Variants in DPP10 observed in about 807,000 individuals in gnomAD.
The protein encoded by DPP10 is inactive dipeptidyl peptidase 10.
A neutral mutation model predicts 120.9 loss-of-function variants in DPP10; 33 were observed. The ratio of observed to expected loss-of-function variants is 0.27; its 90% CI spans 0.21 to 0.37. The LOEUF (loss-of-function observed/expected upper bound fraction) is 0.37. Ranked by LOEUF, DPP10 falls within the 10% of genes least tolerant of loss-of-function variation. DPP10 has a pLI of 1.00. For synonymous variants in DPP10, 337 were observed against 326.1 expected (o/e 1.03, Z -0.36); for missense variants, 816 against 942.8 (o/e 0.87, Z 1.76).
At chr2:115,149,120 T>A (rs766014314) in intron 1 of DPP10, among the ~76,000 whole-genome samples, 12 of 152,304 alleles carry the variant, frequency 7.9e-5, no homozygotes, top group Middle Eastern at 3.4e-3. Context: ...CATGTTCTTC[T>A]CTTCTCTGCA....
chr2:115,505,469 C>A (rs2076892541), intron 4 of DPP10, among the ~76,000 whole-genome samples: 1 of 152,014 alleles, frequency 6.6e-6, no homozygotes, highest in African/African-American at 2.4e-5. Flanking sequence ...CTGGAGGTGT[C>A]AGACAGGATG....
At chr2:114,497,371 GTACATA>G (rs1218364304) in intron 1 of DPP10, among the ~76,000 whole-genome samples, 5 of 108,514 alleles carry the variant, frequency 4.6e-5, no homozygotes, top group East Asian at 3.5e-4. Context: ...ACATACACAT[GTACATA>G]TACATATACA....
intron 3 of DPP10, among the ~76,000 whole-genome samples, chr2:115,352,487 A>G (rs148742027): frequency 6.6e-6 from 1 of 152,304 alleles, no homozygotes; most frequent in Admixed American, 6.5e-5. Flanking sequence ...CTGTTTGTCA[A>G]TACAAATATA....
chr2:115,188,106 A>T (rs2054597309), intron 1 of DPP10, among the ~76,000 whole-genome samples: 1 of 151,736 alleles, frequency 6.6e-6, no homozygotes, highest in Non-Finnish European at 1.5e-5. Flanking sequence ...AGAGAAGAGA[A>T]ATCTCAGGAG....
intron 1 of DPP10, among the ~76,000 whole-genome samples, chr2:115,203,165 A>T (rs1393464669): frequency 6.6e-6 from 1 of 152,198 alleles, no homozygotes; most frequent in Non-Finnish European, 1.5e-5. Context: ...CAACTGAAAA[A>T]TGACAAGAAT....
chr2:115,144,317 A>G (rs2051098275), intron 1 of DPP10: 1 of 152,104 alleles, frequency 6.6e-6, no homozygotes, highest in African/African-American at 2.4e-5. Flanking sequence ...GGGGAAATGT[A>G]TCTTGTTCTT....
At chr2:115,788,899 G>T (rs984778649) in intron 17 of DPP10, among the ~76,000 whole-genome samples, 1 of 151,956 alleles carries the variant, frequency 6.6e-6, no homozygotes, top group Non-Finnish European at 1.5e-5. Flanking sequence ...GGTGGAGATC[G>T]TGAGGTCAGG....
At chr2:115,099,723 T>A (rs2104611384) in intron 1 of DPP10, among the ~76,000 whole-genome samples, 1 of 152,286 alleles carries the variant, frequency 6.6e-6, no homozygotes, top group East Asian at 1.9e-4. Context: ...GTAGAGTGCA[T>A]GCTGTCTCCT....
chr2:115,834,620 G>A (rs896442725), intron 21 of DPP10, among the ~76,000 whole-genome samples: 1 of 152,006 alleles, frequency 6.6e-6, no homozygotes, highest in African/African-American at 2.4e-5. Flanking sequence ...CATTTCAAGA[G>A]GGTATTCAAA....
At chr2:114,538,239 G>A (rs4848368) in intron 1 of DPP10, among the ~76,000 whole-genome samples, 64,959 of 152,074 alleles carry the variant, frequency 0.43, 14,225 homozygotes, top group East Asian at 0.69. Context: ...TCCAAGGGAT[G>A]TGTTTGCTCT....
At chr2:115,658,206 A>T (rs535243420) in intron 5 of DPP10, among the ~76,000 whole-genome samples, 1 of 152,128 alleles carries the variant, frequency 6.6e-6, no homozygotes, top group South Asian at 2.1e-4. Flanking sequence ...AATCTGAAAA[A>T]GAGAACTGCA....
intron 1 of DPP10, among the ~76,000 whole-genome samples, chr2:114,825,537 T>C (rs1686448968): frequency 6.6e-6 from 1 of 152,150 alleles, no homozygotes; most frequent in African/African-American, 2.4e-5. Context: ...AAAGAAGCTA[T>C]CTCTCTTGCT....
chr2:115,334,230 G>GTTTTTTTTTTTTTTTGTT (rs1553554648), intron 2 of DPP10, among the ~76,000 whole-genome samples: 1 of 56,412 alleles, frequency 1.8e-5, no homozygotes, highest in Non-Finnish European at 4.0e-5. Flanking sequence ...AGCAGACTCT[G>GTTTTTTTTTTTTTTTGTT]TTTTTTTTTT....
intron 1 of DPP10, among the ~76,000 whole-genome samples, chr2:114,489,610 G>A (rs910400194): frequency 7.9e-5 from 12 of 152,274 alleles, no homozygotes; most frequent in Middle Eastern, 3.4e-3. Context: ...CTGCATTTTA[G>A]CTTTTTACTC....
intron 9 of DPP10, among the ~76,000 whole-genome samples, chr2:115,743,430 G>A (rs892811723): frequency 2.0e-5 from 3 of 152,060 alleles, no homozygotes; most frequent in Admixed American, 6.6e-5. Flanking sequence ...TAACTGATAC[G>A]TCTTTAAGAA....
intron 3 of DPP10, among the ~76,000 whole-genome samples, chr2:115,408,716 C>T (rs897137372): frequency 1.3e-5 from 2 of 151,836 alleles, no homozygotes; most frequent in Admixed American, 6.6e-5. Context: ...AAGTTATAAG[C>T]CCATTGGTCT....
chr2:115,304,992 A>G (rs183514814), intron 1 of DPP10, among the ~76,000 whole-genome samples: 1 of 152,178 alleles, frequency 6.6e-6, no homozygotes, highest in Non-Finnish European at 1.5e-5. Context: ...TTTAGTTTGG[A>G]CTATAGCACT....
At chr2:115,830,257 C>CTG (rs1688783225) in intron 21 of DPP10, among the ~76,000 whole-genome samples, 1 of 150,954 alleles carries the variant, frequency 6.6e-6, no homozygotes, top group Admixed American at 6.7e-5. Flanking sequence ...ACTCAGGAGG[C>CTG]TGAAGCAGGA....
At chr2:115,014,973 A>G (rs185218000) in intron 1 of DPP10, among the ~76,000 whole-genome samples, 1 of 152,168 alleles carries the variant, frequency 6.6e-6, no homozygotes, top group Admixed American at 6.6e-5. Context: ...TCAATAGAAA[A>G]AGAGGGAATC....
Sources: gnomAD v4.1 joint callset for allele counts (sites outside exome capture counted in the v4.1 genomes callset) on GRCh38, gnomAD v4.1.1 for gene constraint, MANE v1.5 for transcripts, NCBI Gene and HGNC (gene_info 2026-07-23, HGNC 2026-07-21) for gene names.